The following TTLL11 variants were observed in gnomAD, a reference collection of about 807,000 sequenced individuals.
The protein encoded by TTLL11 is tubulin tyrosine ligase like 11.
A neutral mutation model predicts 51.7 loss-of-function variants in TTLL11; 42 were observed. The observed-to-expected ratio is 0.81, with a 90% CI of 0.64 to 1.05. The LOEUF (loss-of-function observed/expected upper bound fraction) is 1.05. TTLL11 is among the 50% of genes least tolerant of loss of function. The pLI is 0.00. For missense variants in TTLL11, 799 were observed against 940.4 expected (o/e 0.85, Z 1.97); for synonymous variants, 381 against 383.5 (o/e 0.99, Z 0.08).
At chr9:122,018,891 C>G (rs577691097) in intron 3 of TTLL11, among the ~76,000 whole-genome samples, 1 of 152,346 alleles carries the variant, frequency 6.6e-6, no homozygotes, top group African/African-American at 2.4e-5. Context: ...AACTCAGTCT[C>G]CCTGTTTTAC....
Position 121,870,489 on chromosome 9 carries a change from T to C in TTLL11, c.1733+8A>G, listed in dbSNP as rs1838320525. ...AAGCCCAAGCCAGAGGGGGCTGTTC[T>C]CACTGACCTTATGAAGGTACGAAAG... On this transcript the variant is annotated splice_region_variant and intron_variant, in intron 7 of 8. Coordinates refer to ENST00000321582, the MANE Select transcript of TTLL11 (RefSeq NM_001139442.2). The C allele has an allele frequency of 6.4e-7, 1 of 1,550,782 alleles. No homozygotes were observed. Among genetic ancestry groups the C allele is most frequent in the African/African-American group, 1.4e-5 (1 of 73,032 alleles).
At chr9:122,048,433 C>T (rs1350911643) in intron 1 of TTLL11, among the ~76,000 whole-genome samples, 1 of 152,172 alleles carries the variant, frequency 6.6e-6, no homozygotes, top group Admixed American at 6.5e-5. Context: ...TTCCAAAGTG[C>T]TGGGATTATA....
At chr9:122,081,125 G>A (rs1033774513) in intron 1 of TTLL11, among the ~76,000 whole-genome samples, 3 of 152,074 alleles carry the variant, frequency 2.0e-5, no homozygotes, top group Non-Finnish European at 2.9e-5. Flanking sequence ...TAAAACCAAC[G>A]TCCAGGCTCA....
Position 122,092,884 on chromosome 9 carries a change from G to C in TTLL11, c.265C>G (p.Pro89Ala), listed in dbSNP as rs763843891. 6.4e-7 allele frequency: 1 copy of C among 1,569,512 alleles called. No homozygotes were observed. The highest frequency in any genetic ancestry group is 1.2e-5 in the South Asian group (1 of 85,984). The change falls in exon 1 of 9, where the codon CCC becomes GCC. Residue 89 changes from proline to alanine, a missense_variant. This residue lies in a region of TTLL11 where 166 missense variants were observed against 161.6 expected (regional missense o/e 1.03). Transcript: ENST00000321582. ...TGCACCGGCTTCGGCTTGGACGGGG[G>C]CAGCGTGGGCGGCGGCCGCTGAAGG... ...QVLQRPPPTL[P>A]PSKPKPVQGL...
intron 8 of TTLL11, among the ~76,000 whole-genome samples, chr9:121,847,735 T>A (rs1375153031): frequency 1.3e-5 from 2 of 152,140 alleles, no homozygotes; most frequent in African/African-American, 4.8e-5. Context: ...AAGAAGGAAA[T>A]GATACAAATT....
intron 6 of TTLL11, among the ~76,000 whole-genome samples, chr9:121,957,162 AG>A (rs1455145510): frequency 2.0e-5 from 3 of 151,694 alleles, no homozygotes; most frequent in African/African-American, 7.3e-5. Context: ...CCCTCAGGGC[AG>A]GAGCTTATAG....
intron 8 of TTLL11, among the ~76,000 whole-genome samples, chr9:121,843,817 C>A (rs1048958093): frequency 6.6e-6 from 1 of 152,046 alleles, no homozygotes; most frequent in Non-Finnish European, 1.5e-5. Context: ...GGACTACAGG[C>A]GTGTGACATC....
rs142086269 is a variant in TTLL11, at chr9:121,994,457, A to G, written c.694-4687T>C. 2.6e-5 allele frequency among the ~76,000 whole-genome samples: 4 copies of G among 152,342 alleles called. No homozygotes were observed. In the East Asian group the frequency reaches 7.7e-4, roughly 29 times the overall value. ...CTGTTCTAAGCACTTTGGAGGTATT[A>G]TCTCACTTAATCCTCACAACAATCC... On this transcript the variant is annotated intron_variant, in intron 3 of 8. Transcript: ENST00000321582.
rs12339540 is a variant in TTLL11 at position 122,042,169 on chromosome 9, C to T, written c.463-2801G>A. ...GGCTGGGATTACTGGCACATGCCAG[C>T]GCACCCAGCTAATTCTTGTATTTTT... is the stretch of plus-strand genomic sequence containing the variant. On this transcript the variant is annotated intron_variant, in intron 1 of 8. Transcript: ENST00000321582. 3.4e-3 allele frequency among the ~76,000 whole-genome samples: 525 copies of T among 152,270 alleles called. 3 individuals carry two copies. Among genetic ancestry groups the T allele is most frequent in the African/African-American group, 0.011 (475 of 41,540 alleles).
chr9:121,926,226 C>T (rs56783479), intron 6 of TTLL11, among the ~76,000 whole-genome samples: 11,733 of 152,218 alleles, frequency 0.077, 658 homozygotes, highest in African/African-American at 0.16. Flanking sequence ...ACAGCCAGAA[C>T]TGGCCCTGGG....
intron 3 of TTLL11, among the ~76,000 whole-genome samples, chr9:121,999,700 G>C (rs1843404268): frequency 6.6e-6 from 1 of 152,182 alleles, no homozygotes; most frequent in South Asian, 2.1e-4. Flanking sequence ...ACATCAAACT[G>C]TCATTTTTAT....
chr9:121,841,933 A>C (rs1202524869), intron 8 of TTLL11, among the ~76,000 whole-genome samples: 1 of 152,128 alleles, frequency 6.6e-6, no homozygotes, highest in Non-Finnish European at 1.5e-5. Context: ...TCTAGACTTC[A>C]GGGAAGACAT....
chr9:121,838,754 AAG>A (rs1235025682), intron 8 of TTLL11, among the ~76,000 whole-genome samples: 1 of 151,142 alleles, frequency 6.6e-6, no homozygotes, highest in Non-Finnish European at 1.5e-5. Flanking sequence ...GAGAGAAAGA[AAG>A]AGAGAAAGCA....
intron 6 of TTLL11, among the ~76,000 whole-genome samples, chr9:121,924,035 C>T (rs73555611): frequency 0.016 from 2,416 of 152,286 alleles, 23 homozygotes; most frequent in African/African-American, 0.033. Context: ...ACATGTAAGA[C>T]GTGCCTTCCA....
chr9:122,068,590 A>T (rs1588254281), intron 1 of TTLL11, among the ~76,000 whole-genome samples: 1 of 152,320 alleles, frequency 6.6e-6, no homozygotes, highest in East Asian at 1.9e-4. Flanking sequence ...TGAGGAAACT[A>T]AGGCTCAAAG....
At chr9:122,053,225 G>A (rs558393096) in intron 1 of TTLL11, among the ~76,000 whole-genome samples, 28 of 152,304 alleles carry the variant, frequency 1.8e-4, no homozygotes, top group African/African-American at 6.3e-4. Flanking sequence ...TGCACTCTGC[G>A]TGTCAAAGTG....
chr9:122,025,436 C>T (rs1033381541), intron 3 of TTLL11, among the ~76,000 whole-genome samples: 2 of 152,128 alleles, frequency 1.3e-5, no homozygotes, highest in Non-Finnish European at 2.9e-5. Context: ...AGTTCAAGAC[C>T]AGCCTGGGCA....
intron 3 of TTLL11, among the ~76,000 whole-genome samples, chr9:122,007,208 G>A (rs995573882): frequency 3.3e-5 from 5 of 152,020 alleles, no homozygotes; most frequent in African/African-American, 1.2e-4. Flanking sequence ...AAAGAAACCA[G>A]GCTTTCTTGG....
At chr9:122,091,488 C>G (rs1017937150) in intron 1 of TTLL11, among the ~76,000 whole-genome samples, 1 of 152,226 alleles carries the variant, frequency 6.6e-6, no homozygotes, top group Non-Finnish European at 1.5e-5. Context: ...TACACCCTAT[C>G]CACCTGGAAG....
Sources: gnomAD v4.1 joint callset for allele counts (sites outside exome capture counted in the v4.1 genomes callset) on GRCh38, gnomAD v4.1.1 for gene constraint, gnomAD v4.1.1 regional missense constraint, MANE v1.5 for transcripts, NCBI Gene and HGNC (gene_info 2026-07-23, HGNC 2026-07-21) for gene names.